The following GSDMC variants were observed in gnomAD, a reference collection of about 807,000 sequenced individuals.
GSDMC encodes gasdermin-C.
Under a neutral mutation model 58.0 loss-of-function variants are expected in GSDMC, and 59 were observed. The observed-to-expected ratio is 1.02, with a 90% confidence interval of 0.82 to 1.26. The LOEUF is 1.26. GSDMC is among the 50% of genes most tolerant of loss of function. GSDMC has a pLI of 0.00. For synonymous variants in GSDMC, 241 were observed against 220.2 expected (o/e 1.09, Z -0.83); for missense variants, 659 against 598.5 (o/e 1.10, Z -1.06).
At chr8:129,784,479 A>G (rs964830857) in intron 1 of GSDMC, among the ~76,000 whole-genome samples, 6 of 152,236 alleles carry the variant, frequency 3.9e-5, no homozygotes, top group Non-Finnish European at 8.8e-5. Flanking sequence ...AATGAAAAAA[A>G]GGCATATGAA....
At chr8:129,706,171 G>A in the GSDMC span, among the ~76,000 whole-genome samples, 1 of 152,064 alleles carries the variant, frequency 6.6e-6, no homozygotes, top group Non-Finnish European at 1.5e-5. Context: ...TGGTTGATGT[G>A]GATGCATTCC....
At chr8:129,709,485 T>A in the GSDMC span, among the ~76,000 whole-genome samples, 1 of 123,472 alleles carries the variant, frequency 8.1e-6, no homozygotes. Context: ...GATAGACAGA[T>A]AATAGATAGA....
intron 3 of GSDMC, 29 bp downstream of exon 3, chr8:129,776,073 T>C: frequency 6.4e-7 from 1 of 1,552,172 alleles, no homozygotes; most frequent in Non-Finnish European, 8.8e-7. Context: ...ATACTGATGA[T>C]CCATCCCCTT....
chr8:129,751,662 C>T lies in GSDMC; in HGVS notation c.917-94G>A, dbSNP rs776149023. On this transcript the variant is annotated intron_variant, in intron 9 of 13. Transcript: ENST00000276708. Reference sequence around the variant, plus strand: ...GGGTTCTGCTCTCCTACCACCTCCTCCCTCTTACTCAACTTCTTCCTGCCC... The same window carrying T: ...GGGTTCTGCTCTCCTACCACCTCCTTCCTCTTACTCAACTTCTTCCTGCCC... 7.8e-5 allele frequency: 95 copies of T among 1,224,354 alleles called. No individual in the cohort carries two copies. In the Middle Eastern group the frequency reaches 2.7e-3, roughly 35 times the overall value. The allele number at this position is 1,224,354 out of a possible 1,614,324, so 75.8% of individuals were successfully genotyped here.
chr8:129,751,048 G>C (rs570586264), intron 10 of GSDMC, among the ~76,000 whole-genome samples: 2 of 152,274 alleles, frequency 1.3e-5, no homozygotes, highest in East Asian at 1.9e-4. Context: ...GACATGGGGG[G>C]ATTGCTTGAG....
chr8:129,742,563 G>A, the GSDMC span, among the ~76,000 whole-genome samples: 1 of 152,024 alleles, frequency 6.6e-6, no homozygotes, highest in Non-Finnish European at 1.5e-5. Flanking sequence ...ACTCTGTCCT[G>A]AAAACTCTAG....
chr8:129,752,748 A>T lies in GSDMC; in HGVS notation c.794T>A (p.Ile265Asn). Reference protein sequence around the residue: ...SEGLLPSFHTISPTLFNASSN... With the variant: ...SEGLLPSFHTNSPTLFNASSN... ...TGAGGCATTGAAGAGGGTTGGAGAG[A>T]TGGTATGAAATGATGGTAGCAACCC... The change falls in exon 7 of 14, where the codon ATC becomes AAC. Residue 265 changes from isoleucine to asparagine, a missense_variant. Physicochemically the swap from Ile to Asn is moderately radical, Grantham distance 149 (BLOSUM62 -3). Coordinates refer to ENST00000276708, the MANE Select transcript of GSDMC (RefSeq NM_031415.3). The T allele has an allele frequency of 6.2e-7, 1 of 1,614,212 alleles. No individual in the cohort carries two copies. The highest frequency in any genetic ancestry group is 1.6e-4 in the Middle Eastern group (1 of 6,062).
chr8:129,734,291 C>G, the GSDMC span, among the ~76,000 whole-genome samples: 1 of 152,170 alleles, frequency 6.6e-6, no homozygotes, highest in Admixed American at 6.5e-5. Context: ...TCTAGCAAGG[C>G]AGGCCAACAC....
chr8:129,709,578 TA>T, the GSDMC span, among the ~76,000 whole-genome samples: 1 of 147,010 alleles, frequency 6.8e-6, no homozygotes, highest in East Asian at 2.0e-4. Flanking sequence ...TGATAGATGA[TA>T]GATAGATAGA....
chr8:129,719,987 C>T, the GSDMC span, among the ~76,000 whole-genome samples: 1 of 152,116 alleles, frequency 6.6e-6, no homozygotes, highest in East Asian at 1.9e-4. Context: ...ATAACTACTC[C>T]AATAACAAGT....
chr8:129,738,359 T>C, the GSDMC span, among the ~76,000 whole-genome samples: 1 of 152,212 alleles, frequency 6.6e-6, no homozygotes, highest in Non-Finnish European at 1.5e-5. Flanking sequence ...TGCACACATA[T>C]GTTTATTGTG....
At chr8:129,729,304 A>AT in the GSDMC span, 2 of 559,798 alleles carry the variant, frequency 3.6e-6, no homozygotes, top group Non-Finnish European at 6.7e-6. Flanking sequence ...GGCACATGAA[A>AT]TTTGTTTTTT....
the GSDMC span, among the ~76,000 whole-genome samples, chr8:129,710,900 T>C: frequency 6.6e-6 from 1 of 152,158 alleles, no homozygotes; most frequent in Non-Finnish European, 1.5e-5. Flanking sequence ...TGAGGCCCCC[T>C]AGAGACTAGT....
chr8:129,765,808 A>G lies in GSDMC; in HGVS notation c.405-15T>C. On this transcript the variant is annotated splice_polypyrimidine_tract_variant and intron_variant, in intron 3 of 13. Coordinates refer to ENST00000276708, the MANE Select transcript of GSDMC (RefSeq NM_031415.3). ...CCAACAGTTTCCTGGGGATTTAAGG[A>G]AGGAGGACAAGAGTCAGAGTGGGAA... 6.2e-7 allele frequency: 1 copy of G among 1,610,348 alleles called. No homozygotes were observed. The highest frequency in any genetic ancestry group is 8.5e-7 in the Non-Finnish European group (1 of 1,178,070).
chr8:129,771,317 T>A (rs995571298), intron 3 of GSDMC, among the ~76,000 whole-genome samples: 1 of 151,778 alleles, frequency 6.6e-6, no homozygotes, highest in Non-Finnish European at 1.5e-5. Context: ...ATAAACCAAA[T>A]GAACCTAACA....
the GSDMC span, among the ~76,000 whole-genome samples, chr8:129,719,047 A>T: frequency 6.6e-6 from 1 of 152,086 alleles, no homozygotes; most frequent in Non-Finnish European, 1.5e-5. Context: ...GTGGGGGGCT[A>T]GGGGAGGGAC....
At chr8:129,747,114 G>T (rs181190015), downstream of GSDMC, among the ~76,000 whole-genome samples, 1 of 151,766 alleles carries the variant, frequency 6.6e-6, no homozygotes, top group African/African-American at 2.4e-5. Flanking sequence ...AAAATTAGCC[G>T]AGTGTGGTGG....
chr8:129,743,841 G>A (rs1251799255), downstream of GSDMC, among the ~76,000 whole-genome samples: 1 of 152,174 alleles, frequency 6.6e-6, no homozygotes, highest in Admixed American at 6.6e-5. Context: ...GACTTCTAAT[G>A]AATGTCCTGA....
chr8:129,733,226 G>GC, the GSDMC span, among the ~76,000 whole-genome samples: 17 of 76,698 alleles, frequency 2.2e-4, no homozygotes, highest in Admixed American at 2.2e-3. Flanking sequence ...TTCCACCTCT[G>GC]GGGGCAGGGC....
Sources: gnomAD v4.1 joint callset for allele counts (sites outside exome capture counted in the v4.1 genomes callset) on GRCh38, gnomAD v4.1.1 for gene constraint, MANE v1.5 for transcripts, NCBI Gene and HGNC (gene_info 2026-07-23, HGNC 2026-07-21) for gene names.